Variants in XPO1 observed in about 807,000 individuals in gnomAD.
XPO1 encodes the protein exportin 1.
Under a neutral mutation model 133.3 loss-of-function variants are expected in XPO1, and 5 were observed. That is an observed-to-expected ratio of 0.04 (90% CI 0.02 to 0.08). The LOEUF (loss-of-function observed/expected upper bound fraction) is 0.08, where lower values mean the gene tolerates loss of function less well. Among genes scored for constraint, XPO1 ranks in the 10% least tolerant of loss-of-function variants. The pLI, the probability that XPO1 is intolerant of heterozygous loss-of-function variation, is 1.00. For missense variants in XPO1, 506 were observed against 1,267.5 expected (o/e 0.40, Z 9.12); for synonymous variants, 419 against 408.2 (o/e 1.03, Z -0.32).
intron 24 of XPO1, among the ~76,000 whole-genome samples, chr2:61,480,124 CA>C (rs1696268086): frequency 6.6e-6 from 1 of 152,064 alleles, no homozygotes; most frequent in Non-Finnish European, 1.5e-5. Context: ...CTCGGCCTCC[CA>C]AAGTGCTGGG....
At chr2:61,532,679 C>CA (rs1405130862) in intron 2 of XPO1, among the ~76,000 whole-genome samples, 45 of 149,344 alleles carry the variant, frequency 3.0e-4, no homozygotes, top group Admixed American at 8.0e-4. Flanking sequence ...TACTAAAATA[C>CA]AAAAAATTAG....
Position 61,478,780 on chromosome 2 carries a change from T to A in XPO1, c.*40A>T. On this transcript the variant is annotated 3_prime_UTR_variant, in exon 25 of 25. Transcript: ENST00000401558. ...ATACCCACATGCTGTTTTCCTCTGCTAACGAGTTGCAGAGAAAAAAAACAG... is the reference window on the plus strand; with the variant it reads ...ATACCCACATGCTGTTTTCCTCTGCAAACGAGTTGCAGAGAAAAAAAACAG... 6.2e-7 allele frequency: 1 copy of A among 1,603,990 alleles called. No homozygotes were observed. The highest frequency in any genetic ancestry group is 8.5e-7 in the Non-Finnish European group (1 of 1,174,272).
At chr2:61,502,815 C>T (rs374881714) in intron 4 of XPO1, among the ~76,000 whole-genome samples, 7 of 151,966 alleles carry the variant, frequency 4.6e-5, no homozygotes, top group African/African-American at 1.7e-4. Flanking sequence ...CATTGTTGCC[C>T]AGGTTGGTCT....
chr2:61,532,706 G>A (rs1573232371), intron 2 of XPO1, among the ~76,000 whole-genome samples: 1 of 151,476 alleles, frequency 6.6e-6, no homozygotes, highest in Non-Finnish European at 1.5e-5. Flanking sequence ...ATGGTGGCGC[G>A]TCTGTAGTCC....
At chr2:61,500,851 T>C (rs1324808491) in intron 6 of XPO1, among the ~76,000 whole-genome samples, 1 of 152,122 alleles carries the variant, frequency 6.6e-6, no homozygotes, top group Non-Finnish European at 1.5e-5. Flanking sequence ...AATTAACCAT[T>C]GGTGATAAAA....
Position 61,493,937 on chromosome 2 carries a change from T to C in XPO1, c.1202A>G (p.Asp401Gly). 6.2e-7 allele frequency: 1 copy of C among 1,614,134 alleles called. No individual in the cohort carries two copies. Among genetic ancestry groups the C allele is most frequent in the Non-Finnish European group, 8.5e-7 (1 of 1,179,994 alleles). ...SPLLSGSQHF[D>G]VPPRRQLYLP... is the part of the protein sequence containing the mutation. Reference sequence around the variant, plus strand: ...ATATAGCTGTCTCCTGGGAGGAACATCAAAATGTTGACTTCCAGAAAGCAA... The same window carrying C: ...ATATAGCTGTCTCCTGGGAGGAACACCAAAATGTTGACTTCCAGAAAGCAA... The change falls in exon 12 of 25, where the codon GAT (aspartate) becomes GGT (glycine). Residue 401 changes from aspartate (D) to glycine (G), a missense_variant. Around this residue, in one of 6 missense-constraint regions of XPO1, gnomAD observed 134 missense variants for 261.6 expected, o/e 0.51. Coordinates refer to ENST00000401558, the MANE Select transcript of XPO1 (RefSeq NM_003400.4).
In XPO1 at chr2:61,478,466, T is replaced by C; in HGVS notation, c.*354A>G. 3.7e-6 allele frequency: 1 copy of C among 270,400 alleles called. No homozygotes were observed. Among genetic ancestry groups the C allele is most frequent in the East Asian group, 5.6e-5 (1 of 17,792 alleles). 16.8% of individuals were successfully genotyped at this position (270,400 alleles called of 1,614,324 possible). On this transcript the variant is annotated 3_prime_UTR_variant, in exon 25 of 25. Transcript: ENST00000401558. Reference sequence around the variant, plus strand: ...AGGAAAATGCTCCCTAATTAAAAATTGGTATTGTTTACAGGAAAAATTGTA... The same window carrying C: ...AGGAAAATGCTCCCTAATTAAAAATCGGTATTGTTTACAGGAAAAATTGTA...
intron 4 of XPO1, among the ~76,000 whole-genome samples, chr2:61,514,314 T>C (rs911384776): frequency 3.3e-5 from 5 of 151,644 alleles, no homozygotes; most frequent in African/African-American, 1.2e-4. Flanking sequence ...AAATTAAGGC[T>C]GGGCGTGGTG....
At chr2:61,491,836 G>A (rs1295024130) in intron 16 of XPO1, among the ~76,000 whole-genome samples, 199 bp downstream of exon 16, 1 of 152,122 alleles carries the variant, frequency 6.6e-6, no homozygotes, top group Non-Finnish European at 1.5e-5. Context: ...GGAGTTCAAG[G>A]CTGCAGTGAG....
chr2:61,523,939 A>C (rs1573213122), intron 3 of XPO1, among the ~76,000 whole-genome samples: 2 of 152,348 alleles, frequency 1.3e-5, no homozygotes, highest in East Asian at 3.9e-4. Context: ...CAAAATTCTA[A>C]AATTACAAAT....
At chr2:61,493,140 C>A (rs2104439287) in intron 12 of XPO1, 87 bp from the exon 13 acceptor site, 1 of 1,347,090 alleles carries the variant, frequency 7.4e-7, no homozygotes, top group Non-Finnish European at 9.9e-7. Context: ...ACAAACAAAA[C>A]CAAAAAAACC....
At chr2:61,501,973 A>G in intron 6 of XPO1, 23 bp downstream of exon 6, 1 of 1,564,066 alleles carries the variant, frequency 6.4e-7, no homozygotes, top group Non-Finnish European at 8.7e-7. Context: ...TCTTCTAAGG[A>G]AAACAGTTAA....
At chr2:61,518,956 C>A (rs946228078) in intron 4 of XPO1, among the ~76,000 whole-genome samples, 1 of 152,040 alleles carries the variant, frequency 6.6e-6, no homozygotes, top group Non-Finnish European at 1.5e-5. Context: ...CTAATTATGT[C>A]TATCTTTTGC....
intron 5 of XPO1, 47 bp from the exon 6 acceptor site, chr2:61,502,087 T>A: frequency 6.4e-7 from 1 of 1,556,546 alleles, no homozygotes; most frequent in Non-Finnish European, 8.7e-7. Flanking sequence ...TAAGTATAAA[T>A]AAGAATATAA....
At chr2:61,516,787 G>A (rs1698412504) in intron 4 of XPO1, among the ~76,000 whole-genome samples, 1 of 151,906 alleles carries the variant, frequency 6.6e-6, no homozygotes, top group African/African-American at 2.4e-5. Context: ...CAATCCCTTG[G>A]TTTAAATAAA....
intron 3 of XPO1, among the ~76,000 whole-genome samples, chr2:61,525,113 AAAAT>A (rs1313587646): frequency 1.3e-5 from 2 of 152,270 alleles, no homozygotes; most frequent in South Asian, 4.1e-4. Flanking sequence ...ACTAAATGAA[AAAAT>A]AAATGCATGA....
intron 6 of XPO1, among the ~76,000 whole-genome samples, chr2:61,500,325 A>G (rs2104509539): frequency 6.6e-6 from 1 of 152,124 alleles, no homozygotes; most frequent in African/African-American, 2.4e-5. Context: ...TCGTGCCTGT[A>G]ATCCCAGCAC....
chr2:61,514,593 T>TAA lies in XPO1; in HGVS notation c.301+8016_301+8017dup, dbSNP rs562982187. On this transcript the variant is annotated intron_variant, in intron 4 of 24. Coordinates refer to ENST00000401558, the MANE Select transcript of XPO1 (RefSeq NM_003400.4). ...GGGCGACAGAGCAAGACTCTGTCTT[T>TAA]AAAAAAAAAAAAAAAAAAGAAAGAA... Among the ~76,000 whole-genome samples the TAA allele has an allele frequency of 3.2e-3, 402 of 125,846 alleles. 2 individuals carry two copies. Among genetic ancestry groups the TAA allele is most frequent in the African/African-American group, 8.9e-3 (300 of 33,770 alleles). 82.6% of individuals were successfully genotyped at this position (125,846 alleles called of 152,430 possible).
At chr2:61,514,742 C>G (rs982235264) in intron 4 of XPO1, among the ~76,000 whole-genome samples, 1 of 151,926 alleles carries the variant, frequency 6.6e-6, no homozygotes, top group African/African-American at 2.4e-5. Flanking sequence ...ACTGACATGA[C>G]CACTTTGGAA....
Sources: allele counts gnomAD v4.1 joint callset (sites outside exome capture counted in the v4.1 genomes callset), GRCh38; gene constraint gnomAD v4.1.1; regional missense constraint gnomAD v4.1.1; transcripts MANE v1.5; gene names NCBI Gene and HGNC (gene_info 2026-07-23, HGNC 2026-07-21).